SYN2: variants seen among roughly 807,000 people sequenced by gnomAD.
SYN2 encodes the protein synapsin-2.
Under a neutral mutation model 50.9 loss-of-function variants are expected in SYN2, and 19 were observed. That is an observed-to-expected ratio of 0.37 (90% CI 0.26 to 0.55). The LOEUF (loss-of-function observed/expected upper bound fraction) is 0.55. SYN2 is among the 20% of genes least tolerant of loss of function. The probability of loss-of-function intolerance (pLI) is 0.81; values close to 1 mark genes in which losing one functional copy is unlikely to be tolerated. For synonymous variants in SYN2, 255 were observed against 224.9 expected (o/e 1.13, Z -1.20); for missense variants, 587 against 576.4 (o/e 1.02, Z -0.19).
intron 1 of SYN2, among the ~76,000 whole-genome samples, chr3:12,097,942 C>T (rs949430173): frequency 3.3e-5 from 5 of 152,180 alleles, no homozygotes; most frequent in Admixed American, 1.3e-4. Context: ...CAGCATGGCA[C>T]ATGTATACAT....
intron 1 of SYN2, among the ~76,000 whole-genome samples, chr3:12,091,370 A>G (rs552137910): frequency 6.6e-6 from 1 of 152,322 alleles, no homozygotes; most frequent in East Asian, 1.9e-4. Flanking sequence ...GCTAAATGAT[A>G]GCTTGTAATG....
intron 1 of SYN2, among the ~76,000 whole-genome samples, chr3:12,020,540 T>A (rs975180556): frequency 6.6e-6 from 1 of 152,070 alleles, no homozygotes; most frequent in East Asian, 1.9e-4. Context: ...CTTCCCAGGA[T>A]CCTGTGCTTT....
chr3:12,019,358 T>C (rs977147508), intron 1 of SYN2, among the ~76,000 whole-genome samples: 2 of 152,214 alleles, frequency 1.3e-5, no homozygotes, highest in South Asian at 4.1e-4. Flanking sequence ...TATGAGTTGC[T>C]AATGGTTACT....
At chr3:12,116,484 G>A (rs943848383) in intron 1 of SYN2, among the ~76,000 whole-genome samples, 1 of 152,162 alleles carries the variant, frequency 6.6e-6, no homozygotes, top group Non-Finnish European at 1.5e-5. Flanking sequence ...TTTTGCTAGA[G>A]AGCTATATCC....
intron 1 of SYN2, among the ~76,000 whole-genome samples, chr3:12,052,772 A>G (rs1574911930): frequency 6.6e-6 from 1 of 152,204 alleles, no homozygotes; most frequent in Non-Finnish European, 1.5e-5. Context: ...AAAGAGAAAA[A>G]CAGTTTTTTT....
At chr3:12,138,632 C>G (rs1163866805) in intron 1 of SYN2, among the ~76,000 whole-genome samples, 1 of 152,204 alleles carries the variant, frequency 6.6e-6, no homozygotes, top group Non-Finnish European at 1.5e-5. Flanking sequence ...CATTATCTCT[C>G]TTGGCTCCTT....
intron 1 of SYN2, among the ~76,000 whole-genome samples, chr3:12,054,443 G>A (rs1319678658): frequency 6.6e-6 from 1 of 152,136 alleles, no homozygotes; most frequent in Non-Finnish European, 1.5e-5. Flanking sequence ...AACTACATGA[G>A]TCCATCTAGA....
At chr3:12,166,951 A>G (rs1320186795) in intron 7 of SYN2, among the ~76,000 whole-genome samples, 1 of 152,252 alleles carries the variant, frequency 6.6e-6, no homozygotes, top group Admixed American at 6.5e-5. Flanking sequence ...AAAGTCCTGT[A>G]GAAGTTCTAA....
chr3:12,037,722 T>C (rs932405858), intron 1 of SYN2, among the ~76,000 whole-genome samples: 2 of 152,226 alleles, frequency 1.3e-5, no homozygotes, highest in Non-Finnish European at 2.9e-5. Flanking sequence ...ACCTAATTGC[T>C]GTTAAAGGTC....
At chr3:12,175,631 G>A (rs6806953) in intron 10 of SYN2, among the ~76,000 whole-genome samples, 5,192 of 152,260 alleles carry the variant, frequency 0.034, 274 homozygotes, top group African/African-American at 0.11. Context: ...CTTCTCTATC[G>A]TTGTCCTTAG....
At chr3:12,104,306 G>C (rs1696133278) in intron 1 of SYN2, among the ~76,000 whole-genome samples, 1 of 152,010 alleles carries the variant, frequency 6.6e-6, no homozygotes, top group South Asian at 2.1e-4. Flanking sequence ...TTAAACTTAG[G>C]CTTAATTTTA....
At chr3:12,095,296 G>A (rs1007164919) in intron 1 of SYN2, among the ~76,000 whole-genome samples, 2 of 150,668 alleles carry the variant, frequency 1.3e-5, no homozygotes, top group Non-Finnish European at 3.0e-5. Flanking sequence ...CGTAATCCTA[G>A]CACATTGGGA....
chr3:12,122,991 A>G (rs1486163500), intron 1 of SYN2, among the ~76,000 whole-genome samples: 1 of 152,222 alleles, frequency 6.6e-6, no homozygotes, highest in African/African-American at 2.4e-5. Context: ...TAAACAGTAG[A>G]TCAGACATTG....
chr3:12,124,166 G>C lies in SYN2; in HGVS notation c.378-16485G>C, dbSNP rs527423152. On this transcript the variant is annotated intron_variant, in intron 1 of 12. Transcript: ENST00000621198. ...GAGCAAAAAATGTTGGTAAACCTAT[G>C]GGTAAATCTAAAGCAAAACAAAATA... is the stretch of plus-strand genomic sequence containing the variant. Among the ~76,000 whole-genome samples, 16 of 152,228 alleles carry C rather than the reference G, an allele frequency of 1.1e-4. 2 individuals carry two copies. In the East Asian group the frequency reaches 2.9e-3, roughly 28 times the overall value.
chr3:12,143,887 A>C (rs1338844269), intron 3 of SYN2, among the ~76,000 whole-genome samples: 1 of 152,202 alleles, frequency 6.6e-6, no homozygotes, highest in Non-Finnish European at 1.5e-5. Flanking sequence ...AAGTTGTACT[A>C]ATTTACATTC....
chr3:12,140,286 C>T (rs1012598108), intron 1 of SYN2, among the ~76,000 whole-genome samples: 4 of 152,044 alleles, frequency 2.6e-5, no homozygotes, highest in Non-Finnish European at 2.9e-5. Context: ...CATAGTAAAA[C>T]GAAGGATCAA....
At chr3:12,180,854 A>G (rs1677650422) in intron 10 of SYN2, among the ~76,000 whole-genome samples, 1 of 152,192 alleles carries the variant, frequency 6.6e-6, no homozygotes, top group Admixed American at 6.5e-5. Context: ...AGGCCAGCCT[A>G]CATGGTGTGA....
Position 12,167,300 on chromosome 3 carries a change from G to T in SYN2, c.1047G>T (p.Met349Ile), listed in dbSNP as rs375170939. 3 of 1,612,024 alleles carry T rather than the reference G, an allele frequency of 1.9e-6. No individual in the cohort carries two copies. The highest frequency in any genetic ancestry group is 2.5e-6 in the Non-Finnish European group (3 of 1,179,292). Residue 349 changes from methionine to isoleucine, a missense_variant, in exon 8 of 13, where the codon ATG becomes ATT. Transcript: ENST00000621198. The stretch of plus-strand genomic sequence containing the variant: ...CTGCGATGCTGGAGCAGATTGCCAT[G>T]TCAGACAGGTGAGTTGAGAGAAGGA... ...TGSAMLEQIA[M>I]SDRYKLWVDT... is the part of the protein sequence containing the mutation.
intron 4 of SYN2, among the ~76,000 whole-genome samples, chr3:12,149,633 CTA>C (rs1697231016): frequency 6.6e-6 from 1 of 152,144 alleles, no homozygotes; most frequent in African/African-American, 2.4e-5. Flanking sequence ...CCTAGAGACT[CTA>C]TAAAGTCCCT....
Sources: gnomAD v4.1 joint callset for allele counts (sites outside exome capture counted in the v4.1 genomes callset) on GRCh38, gnomAD v4.1.1 for gene constraint, MANE v1.5 for transcripts, NCBI Gene and HGNC (gene_info 2026-07-23, HGNC 2026-07-21) for gene names.